The following CTNNA3 variants were observed in gnomAD, a reference collection of about 807,000 sequenced individuals.
The protein encoded by CTNNA3 is catenin alpha 3.
A neutral mutation model predicts 95.7 loss-of-function variants in CTNNA3; 76 were observed. That is an observed-to-expected ratio of 0.79 (90% CI 0.66 to 0.96). CTNNA3 has a LOEUF of 0.96. Among genes scored for constraint, CTNNA3 ranks in the 40% least tolerant of loss-of-function variants. CTNNA3 has a pLI of 0.00. For missense variants in CTNNA3, 1,191 were observed against 1,089.8 expected, an observed-to-expected ratio of 1.09 and a Z score of -1.31; for synonymous variants, 431 against 374.4, an observed-to-expected ratio of 1.15 and a Z score of -1.74.
At chr10:66,315,174 C>T (rs1461453800) in intron 12 of CTNNA3, among the ~76,000 whole-genome samples, 2 of 151,832 alleles carry the variant, frequency 1.3e-5, no homozygotes. Flanking sequence ...TCCTCCTTAA[C>T]TACAAATGAT....
intron 7 of CTNNA3, among the ~76,000 whole-genome samples, chr10:67,080,471 C>G (rs1321956021): frequency 2.0e-5 from 3 of 152,112 alleles, no homozygotes. Flanking sequence ...GTCCCAGCAT[C>G]GCAATACATC....
chr10:66,024,204 G>C (rs1384673694), intron 15 of CTNNA3, among the ~76,000 whole-genome samples: 3 of 145,412 alleles, frequency 2.1e-5, no homozygotes, highest in Admixed American at 1.5e-4. Flanking sequence ...ATTCTCCTAC[G>C]CCAGCCTCTC....
chr10:67,028,982 T>C (rs540900286), intron 7 of CTNNA3, among the ~76,000 whole-genome samples: 2 of 152,286 alleles, frequency 1.3e-5, no homozygotes, highest in East Asian at 3.9e-4. Flanking sequence ...TCAACAGCAA[T>C]CATATCGCAA....
chr10:66,433,502 C>G (rs1311031947), intron 11 of CTNNA3, among the ~76,000 whole-genome samples: 1 of 151,824 alleles, frequency 6.6e-6, no homozygotes, highest in African/African-American at 2.4e-5. Flanking sequence ...TTGTTTTTCT[C>G]TTGTAAATTC....
chr10:67,316,982 A>G (rs760290841), intron 5 of CTNNA3, among the ~76,000 whole-genome samples: 9 of 152,118 alleles, frequency 5.9e-5, no homozygotes, highest in Admixed American at 2.0e-4. Context: ...CCCAAATTGT[A>G]CCTTTAGCAC....
intron 11 of CTNNA3, among the ~76,000 whole-genome samples, chr10:66,508,210 G>GTTTTTTTTTTTTTTTTGTTTTTGTT (rs756807793): frequency 9.2e-6 from 1 of 108,424 alleles, no homozygotes; most frequent in African/African-American, 3.5e-5. Flanking sequence ...TTTGTTTTCT[G>GTTTTTTTTTTTTTTTTGTTTTTGTT]TTTTTTTTTT....
intron 7 of CTNNA3, among the ~76,000 whole-genome samples, chr10:66,920,625 G>C (rs931266705): frequency 2.0e-5 from 3 of 152,080 alleles, no homozygotes; most frequent in African/African-American, 7.2e-5. Context: ...GGTGCTTTGA[G>C]GCTTAAGATT....
At chr10:67,391,259 C>A (rs1266486409) in intron 5 of CTNNA3, among the ~76,000 whole-genome samples, 1 of 151,702 alleles carries the variant, frequency 6.6e-6, no homozygotes, top group Admixed American at 6.6e-5. Flanking sequence ...TATACACCAA[C>A]AACAGACAAA....
At chr10:67,103,189 C>T (rs1470449450) in intron 7 of CTNNA3, among the ~76,000 whole-genome samples, 1 of 151,796 alleles carries the variant, frequency 6.6e-6, no homozygotes, top group Non-Finnish European at 1.5e-5. Flanking sequence ...TTTCCTAAAT[C>T]ATTCAATTGC....
chr10:66,586,975 C>T (rs575194700), intron 10 of CTNNA3, among the ~76,000 whole-genome samples: 2 of 152,280 alleles, frequency 1.3e-5, no homozygotes, highest in African/African-American at 2.4e-5. Context: ...TCCAGTGGGG[C>T]TGCCACAGTT....
In CTNNA3 at chr10:66,379,191, C is replaced by A. The variant is rs767832106; in HGVS notation, c.1693G>T (p.Glu565Ter). 8 of 1,614,140 alleles carry A rather than the reference C, an allele frequency of 5.0e-6. No individual in the cohort carries two copies. The highest frequency in any genetic ancestry group is 6.8e-6 in the Non-Finnish European group (8 of 1,179,988). Residue 565 changes from glutamate (E) to a stop codon, truncating the protein, a stop_gained, in exon 12 of 18, where the codon GAA becomes TAA. Coordinates refer to ENST00000433211, the MANE Select transcript of CTNNA3 (RefSeq NM_013266.4). LOFTEE classifies it high-confidence loss of function. Reference sequence around the variant, plus strand: ...AAGTTAACATTTCTCATTACACCTTCCGTGTAAGCCCCTGGCTCGTAACTG... The same window carrying A: ...AAGTTAACATTTCTCATTACACCTTACGTGTAAGCCCCTGGCTCGTAACTG... The part of the protein sequence containing the change: ...MDSYEPGAYT[E>*]GVMRNVNFLT...
rs373986896 is a variant in CTNNA3 at position 66,246,313 on chromosome 10, C to T, written c.1884+34157G>A. ...GCCATGATTTGGGCAGCCACAACTG[C>T]GCCCAGGGTTGGGGGGTGGGGCTCC... On this transcript the variant is annotated intron_variant, in intron 13 of 17. Coordinates refer to ENST00000433211, the MANE Select transcript of CTNNA3 (RefSeq NM_013266.4). Among the ~76,000 whole-genome samples, 46 of 152,162 alleles carry T rather than the reference C, an allele frequency of 3.0e-4. No homozygotes were observed. In the East Asian group the frequency reaches 6.1e-3, roughly 20 times the overall value.
At chr10:66,957,676 T>C (rs1448764346) in intron 7 of CTNNA3, among the ~76,000 whole-genome samples, 2 of 151,670 alleles carry the variant, frequency 1.3e-5, no homozygotes, top group Admixed American at 6.6e-5. Flanking sequence ...TGCAAAAATG[T>C]AGGCCGACTT....
At chr10:67,480,633 T>C (rs1163488350) in intron 5 of CTNNA3, among the ~76,000 whole-genome samples, 1 of 152,204 alleles carries the variant, frequency 6.6e-6, no homozygotes, top group Non-Finnish European at 1.5e-5. Flanking sequence ...CCAGAGCCTG[T>C]CCCTTTGTTT....
intron 5 of CTNNA3, among the ~76,000 whole-genome samples, chr10:67,496,004 C>T (rs1384127097): frequency 3.3e-5 from 5 of 152,140 alleles, no homozygotes; most frequent in Admixed American, 3.3e-4. Context: ...TTCACATGCT[C>T]TAAAAGTTCC....
chr10:67,102,627 G>A (rs1444270102), intron 7 of CTNNA3, among the ~76,000 whole-genome samples: 1 of 151,752 alleles, frequency 6.6e-6, no homozygotes, highest in Non-Finnish European at 1.5e-5. Flanking sequence ...TCCTGAAAAG[G>A]TGAGTGAAAA....
At chr10:67,365,306 T>C (rs1843164999) in intron 5 of CTNNA3, among the ~76,000 whole-genome samples, 2 of 152,252 alleles carry the variant, frequency 1.3e-5, no homozygotes, top group African/African-American at 4.8e-5. Flanking sequence ...ATTCAGGACA[T>C]AGGCATGGGC....
intron 5 of CTNNA3, among the ~76,000 whole-genome samples, chr10:67,404,189 T>C (rs1420868692): frequency 6.6e-6 from 1 of 152,100 alleles, no homozygotes; most frequent in Non-Finnish European, 1.5e-5. Context: ...GATTTAGAAC[T>C]GGACTGAGGC....
intron 5 of CTNNA3, among the ~76,000 whole-genome samples, chr10:67,448,335 A>G (rs1039594745): frequency 5.9e-5 from 9 of 152,202 alleles, no homozygotes; most frequent in African/African-American, 2.2e-4. Context: ...CAAAACTCCA[A>G]TGCAATTTGT....
Sources: allele counts gnomAD v4.1 joint callset (sites outside exome capture counted in the v4.1 genomes callset), GRCh38; gene constraint gnomAD v4.1.1; transcripts MANE v1.5; gene names NCBI Gene and HGNC (gene_info 2026-07-23, HGNC 2026-07-21).